The following HHLA1 variants were observed in gnomAD, a reference collection of about 807,000 sequenced individuals.
The protein encoded by HHLA1 is HHLA1 neighbor of OC90.
In HHLA1, 72 loss-of-function variants were observed where a neutral mutation model predicts 69.9. The observed-to-expected ratio is 1.03, with a 90% CI of 0.85 to 1.25. HHLA1 has a LOEUF of 1.25. Ranked by LOEUF, HHLA1 falls within the 50% of genes most tolerant of loss-of-function variation. The probability of loss-of-function intolerance (pLI) is 0.00; values close to 1 mark genes in which losing one functional copy is unlikely to be tolerated. For missense variants in HHLA1, 685 were observed against 642.2 expected (o/e 1.07, Z -0.72); for synonymous variants, 252 against 233.2 (o/e 1.08, Z -0.73).
intron 7 of HHLA1, among the ~76,000 whole-genome samples, chr8:132,093,541 A>T (rs1165093675): frequency 6.6e-6 from 1 of 152,204 alleles, no homozygotes; most frequent in African/African-American, 2.4e-5. Context: ...ACAGCCTCTC[A>T]TGGTAGCGCT....
At chr8:132,070,212 C>G in intron 15 of HHLA1, 2 of 650,200 alleles carry the variant, frequency 3.1e-6, no homozygotes, top group South Asian at 3.5e-5. Flanking sequence ...TAATTTAGTT[C>G]TGGGTTTACA....
Position 132,080,143 on chromosome 8 carries a change from T to G in HHLA1, c.677-177A>C, listed in dbSNP as rs929748259. Reference sequence around the variant, plus strand: ...ATTCTGACCCCTGTCAGAGCCTTTCTTCCACCTCCAGCCCTCAGCCTCTCC... The same window carrying G: ...ATTCTGACCCCTGTCAGAGCCTTTCGTCCACCTCCAGCCCTCAGCCTCTCC... On this transcript the variant is annotated intron_variant, in intron 10 of 16. Transcript: ENST00000414222. 3 of 868,358 alleles carry G rather than the reference T, an allele frequency of 3.5e-6. No individual in the cohort carries two copies. The African/African-American group carries it at 5.0e-5, about 14-fold the overall frequency. 53.8% of individuals were successfully genotyped at this position (868,358 alleles called of 1,614,324 possible). A position where few individuals can be genotyped will look rare whatever the true frequency, so the allele number is the denominator to read the frequency against.
At chr8:132,082,207 C>T (rs1349063762) in intron 10 of HHLA1, among the ~76,000 whole-genome samples, 1 of 152,150 alleles carries the variant, frequency 6.6e-6, no homozygotes. Context: ...GTATATGCAT[C>T]AGCTATGAGG....
In HHLA1 at chr8:132,087,756, A is replaced by G; in HGVS notation, c.590-17T>C. Reference sequence around the variant, plus strand: ...GATTCCTTCCTGCAAAAATCACACCAACAGGGTCAGATCTTGGGTTTCATC... The same window carrying G: ...GATTCCTTCCTGCAAAAATCACACCGACAGGGTCAGATCTTGGGTTTCATC... On this transcript the variant is annotated splice_polypyrimidine_tract_variant and intron_variant, in intron 9 of 16. Coordinates refer to ENST00000414222, the MANE Select transcript of HHLA1 (RefSeq NM_001145095.3). 6.5e-7 allele frequency: 1 copy of G among 1,548,040 alleles called. No individual in the cohort carries two copies. The highest frequency in any genetic ancestry group is 8.7e-7 in the Non-Finnish European group (1 of 1,143,620).
At chr8:132,108,339 A>G (rs889518279) in intron 1 of HHLA1, among the ~76,000 whole-genome samples, 2 of 152,206 alleles carry the variant, frequency 1.3e-5, no homozygotes, top group African/African-American at 2.4e-5. Context: ...TAATAATGAA[A>G]ATAAGAAAAG....
At chr8:132,086,737 C>T (rs1483859113) in intron 10 of HHLA1, among the ~76,000 whole-genome samples, 1 of 152,164 alleles carries the variant, frequency 6.6e-6, no homozygotes, top group Non-Finnish European at 1.5e-5. Flanking sequence ...CTACCAACTG[C>T]CCATTTCATC....
At chr8:132,102,372 G>A (rs1218828069) in intron 3 of HHLA1, among the ~76,000 whole-genome samples, 2 of 152,180 alleles carry the variant, frequency 1.3e-5, no homozygotes, top group Non-Finnish European at 2.9e-5. Flanking sequence ...AAATATCAAA[G>A]CTTCTGGGGT....
Position 132,089,600 on chromosome 8 carries a change from C to A in HHLA1, c.449-1G>T. 1 of 1,433,230 alleles carries A rather than the reference C, an allele frequency of 7.0e-7. No individual in the cohort carries two copies. The highest frequency in any genetic ancestry group is 1.2e-5 in the South Asian group (1 of 81,580). 88.8% of individuals were successfully genotyped at this position (1,433,230 alleles called of 1,614,324 possible). A position where few individuals can be genotyped will look rare whatever the true frequency, so the allele number is the denominator to read the frequency against. ...ATATCTACCAGTAGAGCTGTAAAAT[C>A]TGCAAGACAAATTTAGGAGGTTTAA... On this transcript the variant is annotated splice_acceptor_variant, in intron 7 of 16. Transcript: ENST00000414222. LOFTEE classifies it high-confidence loss of function.
chr8:132,084,228 A>G (rs1205891491), intron 10 of HHLA1, among the ~76,000 whole-genome samples: 2 of 151,948 alleles, frequency 1.3e-5, no homozygotes, highest in Non-Finnish European at 2.9e-5. Flanking sequence ...GGTGATAAAA[A>G]GATTATAGGG....
chr8:132,074,202 T>C (rs759581566), intron 14 of HHLA1, among the ~76,000 whole-genome samples: 1 of 152,220 alleles, frequency 6.6e-6, no homozygotes, highest in Non-Finnish European at 1.5e-5. Context: ...CTTGTTCAGG[T>C]GCCACATTCT....
intron 11 of HHLA1, among the ~76,000 whole-genome samples, chr8:132,078,225 C>T (rs1265571735): frequency 6.6e-6 from 1 of 151,586 alleles, no homozygotes; most frequent in African/African-American, 2.4e-5. Context: ...CTCTAAATCT[C>T]TAGGACCCCA....
intron 16 of HHLA1, among the ~76,000 whole-genome samples, chr8:132,065,346 A>G (rs1240457841): frequency 1.3e-5 from 2 of 152,104 alleles, no homozygotes; most frequent in African/African-American, 4.8e-5. Context: ...CAGTGGTGCA[A>G]TCTCGGCTTA....
chr8:132,081,012 G>A (rs1823743632), intron 10 of HHLA1: 1 of 152,048 alleles, frequency 6.6e-6, no homozygotes, highest in South Asian at 2.1e-4. Flanking sequence ...ACTAAGAATT[G>A]GGAGGACCTA....
chr8:132,089,727 CAAT>C (rs1315367182), intron 7 of HHLA1, 128 bp from the exon 8 acceptor site: 4 of 638,064 alleles, frequency 6.3e-6, no homozygotes, highest in Non-Finnish European at 1.1e-5. Flanking sequence ...GGAATATCAA[CAAT>C]GATACAGAGA....
intron 16 of HHLA1, among the ~76,000 whole-genome samples, chr8:132,065,015 T>C (rs1823410345): frequency 6.6e-6 from 1 of 152,206 alleles, no homozygotes; most frequent in Non-Finnish European, 1.5e-5. Flanking sequence ...TACAGTTTAA[T>C]GTAATTCCAT....
intron 3 of HHLA1, among the ~76,000 whole-genome samples, chr8:132,100,888 T>G (rs1824100826): frequency 6.6e-6 from 1 of 152,242 alleles, no homozygotes; most frequent in Non-Finnish European, 1.5e-5. Flanking sequence ...GATCACATGC[T>G]ATAGAATCAC....
At chr8:132,093,938 CTTA>C (rs1823982266) in intron 7 of HHLA1, among the ~76,000 whole-genome samples, 1 of 152,030 alleles carries the variant, frequency 6.6e-6, no homozygotes, top group African/African-American at 2.4e-5. Context: ...GCATATAGTA[CTTA>C]TTATATATTA....
rs1290015518 is a variant in HHLA1, at chr8:132,076,502, C to G, written c.1213G>C (p.Ala405Pro). Residue 405 changes from alanine to proline, a missense_variant, in exon 13 of 17, where the codon GCA (alanine) becomes CCA (proline). Ala to Pro is a conservative substitution (Grantham distance 27). Transcript: ENST00000414222. ...HGTQTPSPTKATAPRYPQTGD... is the reference protein window; with the variant it reads ...HGTQTPSPTKPTAPRYPQTGD... ...GTTTGTGGATATCTGGGGGCTGTTG[C>G]CTTGGTTGGACTCGGAGTCTGTGTG... is the stretch of plus-strand genomic sequence containing the variant. The G allele has an allele frequency of 7.2e-7, 1 of 1,390,742 alleles. No homozygotes were observed. Among genetic ancestry groups the G allele is most frequent in the South Asian group, 1.2e-5 (1 of 81,014 alleles). 86.2% of individuals were successfully genotyped at this position (1,390,742 alleles called of 1,614,324 possible).
intron 8 of HHLA1, among the ~76,000 whole-genome samples, chr8:132,088,347 T>C (rs1256046980): frequency 6.6e-6 from 1 of 152,246 alleles, no homozygotes; most frequent in Non-Finnish European, 1.5e-5. Flanking sequence ...TTTTTATCTA[T>C]CCTACTTAGT....
Sources: gnomAD v4.1 joint callset for allele counts (sites outside exome capture counted in the v4.1 genomes callset) on GRCh38, gnomAD v4.1.1 for gene constraint, MANE v1.5 for transcripts, NCBI Gene and HGNC (gene_info 2026-07-23, HGNC 2026-07-21) for gene names.